Variants in THSD4 observed in about 807,000 individuals in gnomAD.
THSD4 encodes the protein thrombospondin type 1 domain containing 4.
A neutral mutation model predicts 119.0 loss-of-function variants in THSD4; 69 were observed. The observed-to-expected ratio is 0.58, with a 90% confidence interval of 0.48 to 0.71. The LOEUF (loss-of-function observed/expected upper bound fraction) is 0.71, where lower values mean the gene tolerates loss of function less well. Among genes scored for constraint, THSD4 ranks in the 30% least tolerant of loss-of-function variants. THSD4 has a pLI of 0.00. For missense variants in THSD4, 1,393 were observed against 1,391.1 expected (o/e 1.00, Z -0.02); for synonymous variants, 524 against 540.4 (o/e 0.97, Z 0.42).
chr15:71,610,706 T>C (rs11631215), intron 7 of THSD4, among the ~76,000 whole-genome samples: 108,149 of 152,086 alleles, frequency 0.71, 39,004 homozygotes, highest in East Asian at 0.99. Context: ...TAGACACATA[T>C]ATTTAATAGA....
rs188443814 is a variant in THSD4, at chr15:71,396,419, C to A, written c.1016-15268C>A. Reference sequence around the variant, plus strand: ...ATTGCCTGCAGAGGTGCTACCACTTCCTCTGCCTCTGACTTTCTCTGGTTT... The same window carrying A: ...ATTGCCTGCAGAGGTGCTACCACTTACTCTGCCTCTGACTTTCTCTGGTTT... On this transcript the variant is annotated intron_variant, in intron 6 of 17. Coordinates refer to ENST00000261862, the MANE Select transcript of THSD4 (RefSeq NM_024817.3). 2.0e-5 allele frequency among the ~76,000 whole-genome samples: 3 copies of A among 152,264 alleles called. No homozygotes were observed. The East Asian group carries it at 5.8e-4, about 29-fold the overall frequency.
chr15:71,648,533 G>T (rs1041835504), intron 7 of THSD4, among the ~76,000 whole-genome samples: 4 of 148,326 alleles, frequency 2.7e-5, no homozygotes, highest in East Asian at 1.9e-4. Flanking sequence ...TAAGTTTTTT[G>T]TTGTTGTTGT....
chr15:71,730,292 T>C (rs1341115423), intron 9 of THSD4: 1 of 152,190 alleles, frequency 6.6e-6, no homozygotes, highest in African/African-American at 2.4e-5. Flanking sequence ...CCGTGTCTCC[T>C]TGCACGGCTC....
intron 3 of THSD4, chr15:71,164,670 A>G (rs1384689432): frequency 2.9e-5 from 44 of 1,516,878 alleles, no homozygotes; most frequent in Non-Finnish European, 3.4e-5. Flanking sequence ...CAAATCTTAC[A>G]CAGCCTTACA....
chr15:71,561,914 A>T (rs1025792736), intron 7 of THSD4, among the ~76,000 whole-genome samples: 1 of 29,082 alleles, frequency 3.4e-5, no homozygotes. Flanking sequence ...ACACACACAC[A>T]CACACAAACA....
intron 6 of THSD4, among the ~76,000 whole-genome samples, chr15:71,312,199 C>A (rs1011946406): frequency 6.6e-6 from 1 of 152,006 alleles, no homozygotes; most frequent in Admixed American, 6.6e-5. Flanking sequence ...GTAATTGAGG[C>A]CGTCTGTAAT....
intron 7 of THSD4, among the ~76,000 whole-genome samples, chr15:71,511,222 A>G (rs2048279135): frequency 1.3e-5 from 2 of 152,162 alleles, no homozygotes; most frequent in African/African-American, 2.4e-5. Context: ...GGAACTGGTA[A>G]CCAAGTTGGT....
intron 7 of THSD4, among the ~76,000 whole-genome samples, chr15:71,554,100 T>TTTC (rs1400679678): frequency 6.7e-6 from 1 of 149,528 alleles, no homozygotes; most frequent in Admixed American, 6.6e-5. Context: ...GTTTGGTTTT[T>TTTC]TTTTTTTCAG....
chr15:71,716,647 G>T (rs1203263573), intron 8 of THSD4, among the ~76,000 whole-genome samples: 1 of 149,420 alleles, frequency 6.7e-6, no homozygotes, highest in Non-Finnish European at 1.5e-5. Context: ...CTGTACTTGT[G>T]GGGTGATGCC....
chr15:71,210,518 G>A (rs1227543563), intron 3 of THSD4, among the ~76,000 whole-genome samples: 3 of 152,148 alleles, frequency 2.0e-5, no homozygotes, highest in African/African-American at 4.8e-5. Flanking sequence ...TTTTCTTGCT[G>A]CTTTGTTTGG....
rs1019966091 is a variant in THSD4 at position 71,783,292 on chromosome 15, C to T, written c.*5918C>T. On this transcript the variant is annotated 3_prime_UTR_variant, in exon 18 of 18. Transcript: ENST00000261862. ...TTGAAATATCTGCTTTGTTGACAAGCGTGTGCTTTCTCTGGCCTTATTCGC... is the reference window on the plus strand; with the variant it reads ...TTGAAATATCTGCTTTGTTGACAAGTGTGTGCTTTCTCTGGCCTTATTCGC... 2.0e-5 allele frequency: 3 copies of T among 152,144 alleles called. No homozygotes were observed. The highest frequency in any genetic ancestry group is 1.9e-4 in the East Asian group (1 of 5,190). 9.4% of individuals were successfully genotyped at this position (152,144 alleles called of 1,614,324 possible).
chr15:71,209,663 A>G (rs1047982416), intron 3 of THSD4, among the ~76,000 whole-genome samples: 4 of 152,158 alleles, frequency 2.6e-5, no homozygotes, highest in Non-Finnish European at 5.9e-5. Context: ...GATCATTTAA[A>G]TAACTTTACC....
intron 6 of THSD4, among the ~76,000 whole-genome samples, chr15:71,380,991 G>A (rs2046221559): frequency 6.6e-6 from 1 of 152,182 alleles, no homozygotes; most frequent in Non-Finnish European, 1.5e-5. Context: ...TGGCCCATCA[G>A]GTAGTGGAAA....
At chr15:71,464,840 C>G (rs1416083351) in intron 7 of THSD4, among the ~76,000 whole-genome samples, 3 of 152,170 alleles carry the variant, frequency 2.0e-5, no homozygotes, top group Non-Finnish European at 4.4e-5. Flanking sequence ...CCACAGTCTT[C>G]CAAAACTATG....
intron 6 of THSD4, among the ~76,000 whole-genome samples, chr15:71,289,709 G>T (rs183045670): frequency 1.3e-5 from 2 of 152,130 alleles, no homozygotes; most frequent in Non-Finnish European, 2.9e-5. Flanking sequence ...GAATCATAAC[G>T]CGTAGAGCCC....
chr15:71,619,316 C>T (rs574798217), intron 7 of THSD4, among the ~76,000 whole-genome samples: 1 of 152,216 alleles, frequency 6.6e-6, no homozygotes, highest in East Asian at 1.9e-4. Context: ...ACATATCTTA[C>T]AGATTTTTAA....
chr15:71,678,354 A>G (rs928766938), intron 8 of THSD4, among the ~76,000 whole-genome samples: 5 of 152,192 alleles, frequency 3.3e-5, no homozygotes, highest in African/African-American at 1.2e-4. Flanking sequence ...TTCTTAACCA[A>G]CAGCTGGGGA....
intron 7 of THSD4, among the ~76,000 whole-genome samples, chr15:71,467,014 G>A (rs906992110): frequency 6.6e-5 from 10 of 152,160 alleles, no homozygotes; most frequent in African/African-American, 1.7e-4. Context: ...TCACATCCCC[G>A]GAAGTCTTAT....
At chr15:71,456,067 T>C (rs1163688252) in intron 7 of THSD4, among the ~76,000 whole-genome samples, 6 of 152,230 alleles carry the variant, frequency 3.9e-5, no homozygotes, top group Non-Finnish European at 8.8e-5. Flanking sequence ...GATCCCCTCT[T>C]ACGAATGGCA....
Sources: allele counts gnomAD v4.1 joint callset (sites outside exome capture counted in the v4.1 genomes callset), GRCh38; gene constraint gnomAD v4.1.1; transcripts MANE v1.5; gene names NCBI Gene and HGNC (gene_info 2026-07-23, HGNC 2026-07-21).